Variants in PTPRN2 observed in about 807,000 individuals in gnomAD.
The protein encoded by PTPRN2 is receptor-type tyrosine-protein phosphatase N2.
A neutral mutation model predicts 118.8 loss-of-function variants in PTPRN2; 74 were observed. The observed-to-expected ratio is 0.62, with a 90% CI of 0.52 to 0.76. The LOEUF (loss-of-function observed/expected upper bound fraction) is 0.76, where lower values mean the gene tolerates loss of function less well. PTPRN2 is among the 30% of genes least tolerant of loss of function. The probability of loss-of-function intolerance (pLI) is 0.00; values close to 1 mark genes in which losing one functional copy is unlikely to be tolerated. For synonymous variants in PTPRN2, 641 were observed against 608.0 expected (o/e 1.05, Z -0.80); for missense variants, 1,481 against 1,394.4 (o/e 1.06, Z -0.99).
chr7:158,296,084 G>C (rs1192119178), intron 3 of PTPRN2, among the ~76,000 whole-genome samples: 2 of 152,302 alleles, frequency 1.3e-5, no homozygotes, highest in South Asian at 4.2e-4. Context: ...TTTCCCATGG[G>C]CCTAGGCGAG....
At chr7:157,697,881 C>G (rs1220220211) in intron 12 of PTPRN2, among the ~76,000 whole-genome samples, 1 of 150,564 alleles carries the variant, frequency 6.6e-6, no homozygotes, top group African/African-American at 2.5e-5. Flanking sequence ...CTCATGCATA[C>G]TGGGTCTTGG....
At chr7:158,412,905 C>T (rs1814290745) in intron 2 of PTPRN2, among the ~76,000 whole-genome samples, 1 of 147,410 alleles carries the variant, frequency 6.8e-6, no homozygotes, top group African/African-American at 2.6e-5. Context: ...CCATCCAGTG[C>T]CCTCCTCAAC....
At position 157,787,011 on chromosome 7, in the gene PTPRN2, G is replaced by A. The variant is rs1234482104; in HGVS notation, c.1789-104074C>T. 6.6e-6 allele frequency among the ~76,000 whole-genome samples: 1 copy of A among 152,012 alleles called. No homozygotes were observed. The highest frequency in any genetic ancestry group is 6.5e-5 in the Admixed American group (1 of 15,282). ...GAGCCTGGGACAGCTTGAGGGGCAG[G>A]AGGCGGACACAGGTGCGGCGGGGGA... On this transcript the variant is annotated intron_variant, in intron 12 of 22. Coordinates refer to ENST00000389418, the MANE Select transcript of PTPRN2 (RefSeq NM_002847.5). This position sits in a 1 kb window ranked among gnomAD's most constrained non-coding sequence, Gnocchi z 5.3.
At position 157,900,347 on chromosome 7, in the gene PTPRN2, G is replaced by C. The variant is rs373011001; in HGVS notation, c.1724-1610C>G. Among the ~76,000 whole-genome samples the C allele has an allele frequency of 1.2e-4, 18 of 152,344 alleles. No homozygotes were observed. The East Asian group carries it at 3.3e-3, about 28-fold the overall frequency. On this transcript the variant is annotated intron_variant, in intron 11 of 22. Transcript: ENST00000389418. ...ATTTACAACAGCAGACAGTGGGCCT[G>C]ACTTGACCTGCAGACTGTGGTTGCC...
chr7:157,884,037 C>T (rs1476533159), intron 12 of PTPRN2, among the ~76,000 whole-genome samples: 3 of 149,916 alleles, frequency 2.0e-5, no homozygotes, highest in Non-Finnish European at 3.0e-5. Context: ...AAATGACTGT[C>T]GAAAACCAGA....
intron 12 of PTPRN2, among the ~76,000 whole-genome samples, chr7:157,866,263 G>A (rs1810658743): frequency 1.3e-5 from 2 of 152,260 alleles, no homozygotes; most frequent in South Asian, 2.1e-4. Context: ...TTAAGAGTCA[G>A]TGAGCAGGAA....
chr7:157,935,056 GTCTCTCCTCCCA>G (rs1275534480), intron 11 of PTPRN2, among the ~76,000 whole-genome samples: 1 of 152,164 alleles, frequency 6.6e-6, no homozygotes, highest in Non-Finnish European at 1.5e-5. Context: ...GGAATGTAAC[GTCTCTCCTCCCA>G]GCTGTTAAGA....
At chr7:158,149,670 G>A (rs939363899) in intron 6 of PTPRN2, among the ~76,000 whole-genome samples, 1 of 152,110 alleles carries the variant, frequency 6.6e-6, no homozygotes, top group Middle Eastern at 3.2e-3. Context: ...CAGGCGTGGT[G>A]GCGCATGCCT....
chr7:158,308,061 A>C (rs753895043), intron 3 of PTPRN2, among the ~76,000 whole-genome samples: 2 of 152,228 alleles, frequency 1.3e-5, no homozygotes, highest in African/African-American at 2.4e-5. Context: ...CCTGTAATAA[A>C]TAAATTCCTT....
intron 17 of PTPRN2, among the ~76,000 whole-genome samples, chr7:157,593,372 G>A (rs1801111652): frequency 6.6e-6 from 1 of 152,258 alleles, no homozygotes; most frequent in South Asian, 2.1e-4. Flanking sequence ...CAGACCCTGT[G>A]GCTTTGCTGG....
Position 158,015,085 on chromosome 7 carries a change from A to G in PTPRN2, c.1723+66213T>C, listed in dbSNP as rs1806350360. On this transcript the variant is annotated intron_variant, in intron 11 of 22. Transcript: ENST00000389418. The surrounding 1 kb of genome is among the most constrained non-coding windows in gnomAD (Gnocchi z 4.2). ...TTGTATCTTGCAAATCCCTCAGATAAAAGTGGGTTGCTGAAATGAGAGGCT... is the reference window on the plus strand; with the variant it reads ...TTGTATCTTGCAAATCCCTCAGATAGAAGTGGGTTGCTGAAATGAGAGGCT... Among the ~76,000 whole-genome samples the G allele has an allele frequency of 6.6e-6, 1 of 152,196 alleles. No homozygotes were observed. Among genetic ancestry groups the G allele is most frequent in the South Asian group, 2.1e-4 (1 of 4,820 alleles).
chr7:157,641,795 G>T (rs921051763), intron 14 of PTPRN2, among the ~76,000 whole-genome samples: 4 of 152,102 alleles, frequency 2.6e-5, no homozygotes, highest in Non-Finnish European at 5.9e-5. Flanking sequence ...GAATAATGTC[G>T]ACTTTTCGGG....
intron 13 of PTPRN2, among the ~76,000 whole-genome samples, chr7:157,678,671 G>C (rs1796782101): frequency 6.6e-6 from 1 of 152,102 alleles, no homozygotes; most frequent in Non-Finnish European, 1.5e-5. Context: ...GTTTACAGGA[G>C]GTCCCCGTGG....
At chr7:157,769,236 T>C (rs1802661384) in intron 12 of PTPRN2, among the ~76,000 whole-genome samples, 1 of 151,996 alleles carries the variant, frequency 6.6e-6, no homozygotes. Context: ...CACATGCCGG[T>C]GATTTATCCC....
rs562831446 is a variant in PTPRN2 at position 158,186,361 on chromosome 7, G to A, written c.549+5966C>T. 5.9e-5 allele frequency among the ~76,000 whole-genome samples: 9 copies of A among 152,142 alleles called. No homozygotes were observed. In the South Asian group the frequency reaches 1.7e-3, roughly 28 times the overall value. ...GGGGTGGGAGGGGGATAGTCTCCTG[G>A]CAGATTTCTCCCGGGGGCTCACTCA... On this transcript the variant is annotated intron_variant, in intron 5 of 22. Coordinates refer to ENST00000389418, the MANE Select transcript of PTPRN2 (RefSeq NM_002847.5).
At chr7:158,513,698 G>A (rs962397969) in intron 1 of PTPRN2, among the ~76,000 whole-genome samples, 2 of 152,208 alleles carry the variant, frequency 1.3e-5, no homozygotes, top group Admixed American at 1.3e-4. Flanking sequence ...TCTTAACACA[G>A]AAATAGGTTT....
At chr7:158,157,595 C>A (rs938366679) in intron 6 of PTPRN2, among the ~76,000 whole-genome samples, 3 of 152,224 alleles carry the variant, frequency 2.0e-5, no homozygotes, top group Admixed American at 6.5e-5. Context: ...AGGTCCGGGA[C>A]TGCCAGCCAC....
chr7:158,184,021 T>C (rs2150669993), intron 5 of PTPRN2, among the ~76,000 whole-genome samples: 1 of 152,342 alleles, frequency 6.6e-6, no homozygotes, highest in Admixed American at 6.5e-5. Flanking sequence ...TTCTGAAATT[T>C]TTTATCTTAA....
rs772503639 is a variant in PTPRN2, at chr7:157,596,413, G to C, written c.2419-1098C>G. On this transcript the variant is annotated intron_variant, in intron 16 of 22. Coordinates refer to ENST00000389418, the MANE Select transcript of PTPRN2 (RefSeq NM_002847.5). The surrounding 1 kb of genome is among the most constrained non-coding windows in gnomAD (Gnocchi z 4.2). ...CTCCGGCTCCCCAGTTTGTCCGAAC[G>C]CATCTTGCTAGCTCCAATGGGAGAA... 2.0e-5 allele frequency among the ~76,000 whole-genome samples: 3 copies of C among 152,224 alleles called. No individual in the cohort carries two copies. The highest frequency in any genetic ancestry group is 7.2e-5 in the African/African-American group (3 of 41,446).
Sources: gnomAD v4.1 joint callset for allele counts (sites outside exome capture counted in the v4.1 genomes callset) on GRCh38, gnomAD v4.1.1 for gene constraint, Gnocchi (gnomAD v3.1) non-coding constraint, MANE v1.5 for transcripts, NCBI Gene and HGNC (gene_info 2026-07-23, HGNC 2026-07-21) for gene names.